ITPR3: variants seen among roughly 807,000 people sequenced by gnomAD.
ITPR3 encodes inositol 1,4,5-trisphosphate receptor type 3.
Under a neutral mutation model 293.2 loss-of-function variants are expected in ITPR3, and 173 were observed. The ratio of observed to expected loss-of-function variants is 0.59; its 90% confidence interval spans 0.52 to 0.67. The LOEUF (loss-of-function observed/expected upper bound fraction) is 0.67. Among genes scored for constraint, ITPR3 ranks in the 30% least tolerant of loss-of-function variants. ITPR3 has a pLI of 0.00. For missense variants in ITPR3, 2,796 were observed against 3,592.1 expected (o/e 0.78, Z 5.66); for synonymous variants, 1,295 against 1,444.4 (o/e 0.90, Z 2.35).
intron 1 of ITPR3, among the ~76,000 whole-genome samples, chr6:33,628,271 G>T (rs1763594353): frequency 6.6e-6 from 1 of 152,244 alleles, no homozygotes; most frequent in Admixed American, 6.5e-5. Context: ...TGGGAGTGAG[G>T]GCTGTGTGAG....
chr6:33,658,944 A>C lies in ITPR3; in HGVS notation c.529-77A>C, dbSNP rs1764382435. ...CCATTTCTTAGAAGGGCAGACTGAG[A>C]CCAAAGGGAGGCCTGGAGGCGTGGT... On this transcript the variant is annotated intron_variant, in intron 5 of 57. Coordinates refer to ENST00000605930, the MANE Select transcript of ITPR3 (RefSeq NM_002224.4). The surrounding 1 kb of genome is among the most constrained non-coding windows in gnomAD (Gnocchi z 6.1). 15 of 1,600,032 alleles carry C rather than the reference A, an allele frequency of 9.4e-6. No homozygotes were observed. In the South Asian group the frequency reaches 1.5e-4, roughly 17 times the overall value.
intron 56 of ITPR3, chr6:33,694,693 C>CTGTCAGTGTAGATCT: frequency 1.9e-6 from 1 of 540,402 alleles, no homozygotes; most frequent in South Asian, 2.3e-5. Context: ...GCCGACGCTG[C>CTGTCAGTGTAGATCT]CTAACGGAAG....
intron 33 of ITPR3, 43 bp downstream of exon 33, chr6:33,680,723 G>T: frequency 6.3e-7 from 1 of 1,583,578 alleles, no homozygotes; most frequent in South Asian, 1.1e-5. Context: ...GACTTGCCTA[G>T]CTTTTGTGAA....
chr6:33,676,861 C>A lies in ITPR3; in HGVS notation c.3376C>A (p.Leu1126Met). ...RLRTMVEKSE[L>M]WVDKKGSGKG... The stretch of plus-strand genomic sequence containing the variant: ...GCGGACCATGGTGGAGAAGTCAGAG[C>A]TGTGGGTGGACAAGAAGGGCAGTGG... Residue 1126 changes from leucine (L) to methionine (M), a missense_variant, in exon 26 of 58, where the codon CTG becomes ATG. Leu to Met is a conservative substitution (Grantham distance 15). This residue lies in a region of ITPR3 where 6 missense variants were observed against 24.4 expected (regional missense o/e 0.25). Transcript: ENST00000605930. 1.9e-6 allele frequency: 3 copies of A among 1,614,096 alleles called. No homozygotes were observed. Among genetic ancestry groups the A allele is most frequent in the Non-Finnish European group, 2.5e-6 (3 of 1,179,974 alleles).
At chr6:33,680,180 G>A (rs1165786835) in intron 31 of ITPR3, 47 bp downstream of exon 31, 1 of 1,599,136 alleles carries the variant, frequency 6.3e-7, no homozygotes, top group Admixed American at 1.7e-5. Flanking sequence ...GGGGCGAAGG[G>A]GTGGGTAAAG....
chr6:33,687,079 TC>T lies in ITPR3; in HGVS notation c.6051del (p.Ile2018SerfsTer27). ...GACAGTGAAAATGCTGAGCGAATCCTCATCAGCCTGCGGCCCCAGGAGCTGG... is the reference window on the plus strand; with the variant it reads ...GACAGTGAAAATGCTGAGCGAATCCTATCAGCCTGCGGCCCCAGGAGCTGG... ...RHDSENAERI[L>X]ISLRPQELVD... On this transcript the variant is annotated frameshift_variant, in exon 44 of 58. Transcript: ENST00000605930. LOFTEE classifies it high-confidence loss of function. This position sits in a 1 kb window ranked among gnomAD's most constrained non-coding sequence, Gnocchi z 5.3. 6.2e-7 allele frequency: 1 copy of T among 1,613,978 alleles called. No individual in the cohort carries two copies. Among genetic ancestry groups the T allele is most frequent in the Non-Finnish European group, 8.5e-7 (1 of 1,179,964 alleles).
In ITPR3 at chr6:33,633,516, G is replaced by A. The variant is rs1396029425; in HGVS notation, c.90-6968G>A. Among the ~76,000 whole-genome samples, 1 of 152,066 alleles carries A rather than the reference G, an allele frequency of 6.6e-6. No homozygotes were observed. The highest frequency in any genetic ancestry group is 1.9e-4 in the East Asian group (1 of 5,172). ...ACGTCGGTGCCATCAGGTGGGGAGG[G>A]GTACCCCGGGGCCGCCCTCCGCGGG... On this transcript the variant is annotated intron_variant, in intron 1 of 57. Transcript: ENST00000605930. The surrounding 1 kb of genome is among the most constrained non-coding windows in gnomAD (Gnocchi z 5.2).
At chr6:33,629,633 A>C (rs1374194453) in intron 1 of ITPR3, among the ~76,000 whole-genome samples, 2 of 151,914 alleles carry the variant, frequency 1.3e-5, no homozygotes, top group Admixed American at 6.6e-5. Context: ...AGTGCCAGCC[A>C]CCACGCCCAG....
rs376226944 is a variant in ITPR3 at position 33,690,211 on chromosome 6, G to A, written c.7032+13G>A. The A allele has an allele frequency of 6.2e-7, 1 of 1,612,314 alleles. No individual in the cohort carries two copies. Among genetic ancestry groups the A allele is most frequent in the Non-Finnish European group, 8.5e-7 (1 of 1,178,820 alleles). On this transcript the variant is annotated intron_variant, in intron 51 of 57. Transcript: ENST00000605930. ...CTACAGCATCCTGGTGAGGCCTTCT[G>A]GGTGGGCTGGGGCTGGATGGGGGCA...
rs765756106 is a variant in ITPR3, at chr6:33,663,590, G to A, written c.1005+40G>A. On this transcript the variant is annotated intron_variant, in intron 10 of 57. Transcript: ENST00000605930. Reference sequence around the variant, plus strand: ...AGGTCTCCAGTGAGACCATGGGCCTGCCCTGGGGGTAGGCGGGGGCAGGGG... The same window carrying A: ...AGGTCTCCAGTGAGACCATGGGCCTACCCTGGGGGTAGGCGGGGGCAGGGG... The A allele has an allele frequency of 1.9e-6, 3 of 1,598,876 alleles. No individual in the cohort carries two copies. The Admixed American group carries it at 5.2e-5, about 27-fold the overall frequency.
At chr6:33,680,872 G>C (rs1765056655) in intron 33 of ITPR3, among the ~76,000 whole-genome samples, 192 bp downstream of exon 33, 1 of 148,058 alleles carries the variant, frequency 6.8e-6, no homozygotes, top group Admixed American at 6.8e-5. Context: ...CCAGGCTGGA[G>C]TGCAGTGGCG....
chr6:33,663,808 A>G lies in ITPR3; in HGVS notation c.1076A>G (p.His359Arg), dbSNP rs909772630. The change falls in exon 11 of 58, where the codon CAT (histidine) becomes CGT (arginine). Residue 359 changes from histidine (H) to arginine (R), a missense_variant. Physicochemically the swap from His to Arg is conservative, Grantham distance 29. Around this residue, in one of 8 missense-constraint regions of ITPR3, gnomAD observed 955 missense variants for 1,180.8 expected, o/e 0.81. Coordinates refer to ENST00000605930, the MANE Select transcript of ITPR3 (RefSeq NM_002224.4). Reference protein sequence around the residue: ...KIKYCLVAVPHGNDIASLFEL... With the variant: ...KIKYCLVAVPRGNDIASLFEL... ...AAGTACTGCCTGGTGGCTGTGCCTC[A>G]TGGCAATGACATCGCCTCTCTCTTT... 6 of 1,614,018 alleles carry G rather than the reference A, an allele frequency of 3.7e-6. No homozygotes were observed. In the African/African-American group the frequency reaches 8.0e-5, roughly 22 times the overall value.
At position 33,633,609 on chromosome 6, in the gene ITPR3, G is replaced by C. The variant is rs1222968642; in HGVS notation, c.90-6875G>C. On this transcript the variant is annotated intron_variant, in intron 1 of 57. Coordinates refer to ENST00000605930, the MANE Select transcript of ITPR3 (RefSeq NM_002224.4). This position sits in a 1 kb window ranked among gnomAD's most constrained non-coding sequence, Gnocchi z 5.2. ...CATCACCCGCCCCGCCCCCGGGCGC[G>C]TCTGGCGGAGGCGCGGCGTCCTGGC... Among the ~76,000 whole-genome samples the C allele has an allele frequency of 1.3e-5, 2 of 151,636 alleles. No homozygotes were observed. The highest frequency in any genetic ancestry group is 2.9e-5 in the Non-Finnish European group (2 of 67,854).
chr6:33,663,137 T>C, intron 9 of ITPR3, 131 bp downstream of exon 9: 1 of 713,914 alleles, frequency 1.4e-6, no homozygotes, highest in Admixed American at 2.4e-5. Context: ...CACTCATGCA[T>C]TTATCCAATA....
Position 33,655,896 on chromosome 6 carries a change from G to A in ITPR3, c.282+9G>A, listed in dbSNP as rs2127258097. The A allele has an allele frequency of 4.3e-6, 7 of 1,613,870 alleles. No individual in the cohort carries two copies. The highest frequency in any genetic ancestry group is 5.9e-6 in the Non-Finnish European group (7 of 1,179,930). ...TGCTGCAGAAGCTGCAGGTATGTGT[G>A]TGTGTGCAGGCGTGCATCTGTGCAC... On this transcript the variant is annotated intron_variant, in intron 3 of 57. Coordinates refer to ENST00000605930, the MANE Select transcript of ITPR3 (RefSeq NM_002224.4). This position sits in a 1 kb window ranked among gnomAD's most constrained non-coding sequence, Gnocchi z 4.9.
In ITPR3 at chr6:33,659,511, A is replaced by G; in HGVS notation, c.673A>G (p.Met225Val). 3.1e-6 allele frequency: 5 copies of G among 1,614,092 alleles called. No individual in the cohort carries two copies. The highest frequency in any genetic ancestry group is 4.2e-6 in the Non-Finnish European group (5 of 1,179,984). The change falls in exon 7 of 58, where the codon ATG becomes GTG. Residue 225 changes from methionine (M) to valine (V), a missense_variant. Met to Val is a conservative substitution (Grantham distance 21). Transcript: ENST00000605930. ...CACCAGCTGGAAGATCAACCTGTTT[A>G]TGCAGTTTCGGGACCACCTGGAGGA... Reference protein sequence around the residue: ...CNTSWKINLFMQFRDHLEEVL... With the variant: ...CNTSWKINLFVQFRDHLEEVL...
In ITPR3 at chr6:33,663,552, TGAG is replaced by T. The variant is rs766752303; in HGVS notation, c.1005+6_1005+8del. On this transcript the variant is annotated splice_donor_5th_base_variant and intron_variant, in intron 10 of 57. Coordinates refer to ENST00000605930, the MANE Select transcript of ITPR3 (RefSeq NM_002224.4). Reference sequence around the variant, plus strand: ...TCAGATCCCAAGGCAGCAGGAATGGTGAGGAGCAAAGCAGGTCTCCAGTGAGAC... The same window carrying T: ...TCAGATCCCAAGGCAGCAGGAATGGTGAGCAAAGCAGGTCTCCAGTGAGAC... 1 of 1,604,570 alleles carries T rather than the reference TGAG, an allele frequency of 6.2e-7. No homozygotes were observed. The highest frequency in any genetic ancestry group is 1.3e-5 in the African/African-American group (1 of 74,774).
rs775728261 is a variant in ITPR3 at position 33,675,668 on chromosome 6, G to T, written c.3117-23G>T. 6.3e-7 allele frequency: 1 copy of T among 1,575,886 alleles called. No individual in the cohort carries two copies. The highest frequency in any genetic ancestry group is 1.2e-5 in the South Asian group (1 of 84,350). On this transcript the variant is annotated intron_variant, in intron 24 of 57. Coordinates refer to ENST00000605930, the MANE Select transcript of ITPR3 (RefSeq NM_002224.4). The surrounding 1 kb of genome is among the most constrained non-coding windows in gnomAD (Gnocchi z 5.0). Reference sequence around the variant, plus strand: ...GGGAGTGTGCCAGTCTCACCCATGCGCCCTGCACCCTTGTGCCCGCAGGAA... The same window carrying T: ...GGGAGTGTGCCAGTCTCACCCATGCTCCCTGCACCCTTGTGCCCGCAGGAA...
Position 33,658,972 on chromosome 6 carries a change from C to G in ITPR3, c.529-49C>G. 6.2e-7 allele frequency: 1 copy of G among 1,604,184 alleles called. No individual in the cohort carries two copies. Among genetic ancestry groups the G allele is most frequent in the South Asian group, 1.1e-5 (1 of 90,820 alleles). ...AAAGGGAGGCCTGGAGGCGTGGTGACAAGAGGGCCCTGCCCTTCCCACCTA... is the reference window on the plus strand; with the variant it reads ...AAAGGGAGGCCTGGAGGCGTGGTGAGAAGAGGGCCCTGCCCTTCCCACCTA... On this transcript the variant is annotated intron_variant, in intron 5 of 57. Coordinates refer to ENST00000605930, the MANE Select transcript of ITPR3 (RefSeq NM_002224.4). The surrounding 1 kb of genome is among the most constrained non-coding windows in gnomAD (Gnocchi z 6.1).
Sources: allele counts gnomAD v4.1 joint callset (sites outside exome capture counted in the v4.1 genomes callset), GRCh38; gene constraint gnomAD v4.1.1; regional missense constraint gnomAD v4.1.1; non-coding constraint Gnocchi (gnomAD v3.1); transcripts MANE v1.5; gene names NCBI Gene and HGNC (gene_info 2026-07-23, HGNC 2026-07-21).